Variants in DLG2 observed in about 807,000 individuals in gnomAD.
DLG2 encodes the protein disks large homolog 2.
DLG2 carries 45 observed loss-of-function variants against 132.5 expected under a neutral mutation model. The observed-to-expected ratio is 0.34, with a 90% confidence interval of 0.27 to 0.44. DLG2 has a LOEUF of 0.44. Among genes scored for constraint, DLG2 ranks in the 20% least tolerant of loss-of-function variants. DLG2 has a pLI of 1.00. For missense variants in DLG2, 1,045 were observed against 1,196.9 expected, an observed-to-expected ratio of 0.87 and a Z score of 1.87; for synonymous variants, 424 against 419.6, an observed-to-expected ratio of 1.01 and a Z score of -0.13.
At chr11:85,458,691 AT>A (rs2092502366) in intron 3 of DLG2, among the ~76,000 whole-genome samples, 1 of 152,178 alleles carries the variant, frequency 6.6e-6, no homozygotes, top group South Asian at 2.1e-4. Context: ...TTAGTAAAGT[AT>A]TTTTGGTATT....
At chr11:83,728,401 T>C (rs368112985) in intron 18 of DLG2, among the ~76,000 whole-genome samples, 1 of 152,348 alleles carries the variant, frequency 6.6e-6, no homozygotes, top group East Asian at 1.9e-4. Flanking sequence ...CAGACAGCTC[T>C]TTCTTCTTTT....
intron 6 of DLG2, among the ~76,000 whole-genome samples, chr11:84,660,352 T>A (rs1172155626): frequency 6.6e-6 from 1 of 152,144 alleles, no homozygotes; most frequent in Admixed American, 6.5e-5. Flanking sequence ...GGATTTGACA[T>A]TGACAATTCC....
chr11:83,828,653 A>G (rs1490548017), intron 17 of DLG2, among the ~76,000 whole-genome samples: 5 of 152,170 alleles, frequency 3.3e-5, no homozygotes, highest in African/African-American at 9.7e-5. Flanking sequence ...GGAAATGCCA[A>G]TCTAGTCCAA....
chr11:83,669,087 C>T (rs977928540), intron 18 of DLG2, among the ~76,000 whole-genome samples: 2 of 151,916 alleles, frequency 1.3e-5, no homozygotes, highest in Non-Finnish European at 2.9e-5. Context: ...TGAGCTTGTA[C>T]TAATTGATCT....
Position 84,256,129 on chromosome 11 carries a change from C to CTT in DLG2, c.520-4840_520-4839dup, listed in dbSNP as rs5793117. On this transcript the variant is annotated intron_variant, in intron 7 of 27. Transcript: ENST00000376104. ...TTTGTTTATACTAGTAATAGATACA[C>CTT]TTTTTTTTTTGCTTGCTTCCAAGAG... 1.9e-3 allele frequency among the ~76,000 whole-genome samples: 287 copies of CTT among 149,784 alleles called. 1 individual carries two copies. Among genetic ancestry groups the CTT allele is most frequent in the African/African-American group, 6.7e-3 (275 of 40,996 alleles).
chr11:85,503,048 C>T (rs1280209710), intron 3 of DLG2, among the ~76,000 whole-genome samples: 3 of 151,940 alleles, frequency 2.0e-5, no homozygotes, highest in African/African-American at 4.8e-5. Flanking sequence ...TAAGCATACT[C>T]CCGTATGAAG....
At position 84,364,606 on chromosome 11, in the gene DLG2, C is replaced by T. The variant is rs1600696963; in HGVS notation, c.520-113315G>A. 5.3e-5 allele frequency among the ~76,000 whole-genome samples: 8 copies of T among 152,132 alleles called. No individual in the cohort carries two copies. The South Asian group carries it at 1.7e-3, about 32-fold the overall frequency. ...CTTGTGCCAGTTTTCAAAGGGAATG[C>T]TTCCAGTTTTTGCCCATTCAGTATG... On this transcript the variant is annotated intron_variant, in intron 7 of 27. Transcript: ENST00000376104.
intron 8 of DLG2, among the ~76,000 whole-genome samples, chr11:84,222,028 T>G (rs976407037): frequency 6.6e-6 from 1 of 152,100 alleles, no homozygotes; most frequent in East Asian, 1.9e-4. Flanking sequence ...AAAATTTAAG[T>G]TCTATTTTTT....
At chr11:84,800,694 G>A (rs1401116681) in intron 6 of DLG2, 2 of 152,020 alleles carry the variant, frequency 1.3e-5, no homozygotes, top group African/African-American at 2.4e-5. Flanking sequence ...AAAAGACTTT[G>A]GACACCTGCT....
Position 85,469,308 on chromosome 11 carries a change from T to G in DLG2, c.40+129349A>C, listed in dbSNP as rs527542289. 4 of 152,346 alleles carry G rather than the reference T, an allele frequency of 2.6e-5. No homozygotes were observed. The East Asian group carries it at 7.7e-4, about 29-fold the overall frequency. The allele number at this position is 152,346 out of a possible 1,614,324, so 9.4% of individuals were successfully genotyped here. ...ACTCATTCCAACTCTGGCTCCTTGT[T>G]GTGCAAATAAAATCAATCAGATATC... On this transcript the variant is annotated intron_variant, in intron 3 of 27. Coordinates refer to ENST00000376104, the MANE Select transcript of DLG2 (RefSeq NM_001142699.3).
chr11:83,541,135 G>GA (rs1360154658), intron 20 of DLG2, among the ~76,000 whole-genome samples: 1 of 151,798 alleles, frequency 6.6e-6, no homozygotes, highest in Non-Finnish European at 1.5e-5. Context: ...AGTAAAAAAA[G>GA]AAAAAAAATT....
At chr11:83,812,312 G>A (rs2047514176) in intron 17 of DLG2, among the ~76,000 whole-genome samples, 1 of 152,060 alleles carries the variant, frequency 6.6e-6, no homozygotes, top group Non-Finnish European at 1.5e-5. Flanking sequence ...ATGGTTTGTG[G>A]TTGTGTTTAA....
rs1221234659 is a variant in DLG2, at chr11:84,412,071, C to T, written c.519+122499G>A. Among the ~76,000 whole-genome samples the T allele has an allele frequency of 3.3e-5, 5 of 149,642 alleles. No individual in the cohort carries two copies. The East Asian group carries it at 8.2e-4, about 25-fold the overall frequency. On this transcript the variant is annotated intron_variant, in intron 7 of 27. Transcript: ENST00000376104. ...AAGCTCCTACATCTGCAATCTTTAGCACCCTATAGCTGGGCTTAGCTAAAG... is the reference window on the plus strand; with the variant it reads ...AAGCTCCTACATCTGCAATCTTTAGTACCCTATAGCTGGGCTTAGCTAAAG...
chr11:84,142,802 T>G (rs1379380082), intron 9 of DLG2, among the ~76,000 whole-genome samples: 4 of 152,164 alleles, frequency 2.6e-5, no homozygotes, highest in African/African-American at 9.6e-5. Flanking sequence ...TTTTCCCCTC[T>G]TCTCAGATGT....
intron 4 of DLG2, among the ~76,000 whole-genome samples, chr11:85,236,599 G>T (rs1443595174): frequency 6.6e-6 from 1 of 151,994 alleles, no homozygotes; most frequent in Non-Finnish European, 1.5e-5. Context: ...GGGGATTAGG[G>T]CTTCAACATA....
chr11:83,879,091 A>C (rs947197438), intron 15 of DLG2, among the ~76,000 whole-genome samples: 5 of 152,176 alleles, frequency 3.3e-5, no homozygotes, highest in African/African-American at 1.2e-4. Flanking sequence ...TGCTGTGCTT[A>C]ATTAAGAAAT....
intron 3 of DLG2, among the ~76,000 whole-genome samples, chr11:85,379,842 G>A (rs957098014): frequency 1.3e-5 from 2 of 152,090 alleles, no homozygotes; most frequent in Admixed American, 6.6e-5. Context: ...AATGGTGGTG[G>A]TACTTTTTAC....
intron 7 of DLG2, among the ~76,000 whole-genome samples, chr11:84,490,649 C>CA (rs5793124): frequency 0.048 from 3,254 of 68,426 alleles, 54 homozygotes; most frequent in African/African-American, 0.087. Flanking sequence ...CATATATGAG[C>CA]AAAAAAAAAA....
intron 6 of DLG2, among the ~76,000 whole-genome samples, chr11:84,601,867 C>T (rs544239410): frequency 3.3e-5 from 5 of 151,992 alleles, no homozygotes; most frequent in South Asian, 2.1e-4. Flanking sequence ...AGACTGAATT[C>T]GTGGTTAGAA....
Sources: allele counts gnomAD v4.1 joint callset (sites outside exome capture counted in the v4.1 genomes callset), GRCh38; gene constraint gnomAD v4.1.1; transcripts MANE v1.5; gene names NCBI Gene and HGNC (gene_info 2026-07-23, HGNC 2026-07-21).